The following FOXK2 variants were observed in gnomAD, a reference collection of about 807,000 sequenced individuals.
The protein encoded by FOXK2 is forkhead box protein K2.
A neutral mutation model predicts 53.3 loss-of-function variants in FOXK2; 24 were observed. That is an observed-to-expected ratio of 0.45 (90% CI 0.33 to 0.63). The LOEUF is 0.63. Ranked by LOEUF, FOXK2 falls within the 30% of genes least tolerant of loss-of-function variation. The pLI, the probability that FOXK2 is intolerant of heterozygous loss-of-function variation, is 0.03. For missense variants in FOXK2, 952 were observed against 910.5 expected, an observed-to-expected ratio of 1.05 and a Z score of -0.59; for synonymous variants, 505 against 407.1, an observed-to-expected ratio of 1.24 and a Z score of -2.89.
intron 8 of FOXK2, among the ~76,000 whole-genome samples, chr17:82,597,862 C>A (rs928647853): frequency 4.6e-5 from 7 of 152,188 alleles, no homozygotes; most frequent in Non-Finnish European, 1.0e-4. Context: ...GTTGGCCAGG[C>A]TGGTCTCAAA....
chr17:82,576,932 G>A (rs1178686085), intron 4 of FOXK2: 9 of 399,410 alleles, frequency 2.3e-5, no homozygotes, highest in South Asian at 2.2e-4. Context: ...GGCTGTGGCC[G>A]GCAGATCACC....
chr17:82,580,288 G>C (rs1354477413), intron 4 of FOXK2, among the ~76,000 whole-genome samples: 10 of 121,684 alleles, frequency 8.2e-5, no homozygotes, highest in African/African-American at 1.3e-4. Context: ...ACATGGCCCA[G>C]CCCTCCTCTC....
At chr17:82,551,078 G>A (rs907835722) in intron 1 of FOXK2, among the ~76,000 whole-genome samples, 1 of 152,104 alleles carries the variant, frequency 6.6e-6, no homozygotes, top group Non-Finnish European at 1.5e-5. Flanking sequence ...AGCACTTTGG[G>A]AGGCCGAGGC....
chr17:82,581,738 G>A (rs1028089415), intron 4 of FOXK2, among the ~76,000 whole-genome samples: 4 of 152,094 alleles, frequency 2.6e-5, no homozygotes, highest in Admixed American at 2.6e-4. Flanking sequence ...GCCTCCCAAA[G>A]TGCTGGGATT....
chr17:82,587,297 C>A lies in FOXK2; in HGVS notation c.1786+25C>A, dbSNP rs762866446. ...GGTAAGACATGCTGGTCGGTGGCTC[C>A]CCGTGGCTGTGGGTACTGGGAGCAG... On this transcript the variant is annotated intron_variant, in intron 8 of 8. Transcript: ENST00000335255. The A allele has an allele frequency of 1.9e-5, 30 of 1,588,724 alleles. No individual in the cohort carries two copies. In the East Asian group the frequency reaches 6.3e-4, roughly 34 times the overall value.
At position 82,563,516 on chromosome 17, in the gene FOXK2, C is replaced by T; in HGVS notation, c.582C>T (p.Ile194=). The change falls in exon 2 of 9, where the codon ATC becomes ATT. Residue 194 remains isoleucine (I), a synonymous_variant. Coordinates refer to ENST00000335255, the MANE Select transcript of FOXK2 (RefSeq NM_004514.4). ...INIPDTMAHL[I]SPLPSPTGTI... The stretch of plus-strand genomic sequence containing the variant: ...TTCCAGACACCATGGCCCACCTCAT[C>T]AGCCCTCTGCCCTCCCCCACGGGAA... 1.9e-6 allele frequency: 3 copies of T among 1,614,052 alleles called. No individual in the cohort carries two copies. The highest frequency in any genetic ancestry group is 1.1e-5 in the South Asian group (1 of 91,076).
chr17:82,545,580 C>CTT (rs201487331), intron 1 of FOXK2, among the ~76,000 whole-genome samples: 136 of 139,600 alleles, frequency 9.7e-4, no homozygotes, highest in East Asian at 6.2e-3. Context: ...TGTTGGAAGG[C>CTT]TTTTTTTTTT....
chr17:82,556,830 G>C (rs2044730716), intron 1 of FOXK2, among the ~76,000 whole-genome samples: 2 of 151,862 alleles, frequency 1.3e-5, no homozygotes, highest in South Asian at 4.1e-4. Context: ...AGCCTCCTGA[G>C]TAATTGGGAT....
chr17:82,544,990 G>A (rs190386571), intron 1 of FOXK2, among the ~76,000 whole-genome samples: 4 of 151,854 alleles, frequency 2.6e-5, no homozygotes, highest in Non-Finnish European at 5.9e-5. Flanking sequence ...AAGAATTGTC[G>A]ATCTGCCCCG....
intron 1 of FOXK2, among the ~76,000 whole-genome samples, chr17:82,542,166 CT>C (rs750005460): frequency 3.0e-3 from 346 of 115,542 alleles, no homozygotes; most frequent in African/African-American, 4.2e-3. Flanking sequence ...TTTCTTCTTT[CT>C]TTTTTTTTTT....
At chr17:82,598,181 TCTAG>T (rs1427719815) in intron 8 of FOXK2, among the ~76,000 whole-genome samples, 2 of 152,266 alleles carry the variant, frequency 1.3e-5, no homozygotes, top group African/African-American at 2.4e-5. Context: ...ATTCCTTCTG[TCTAG>T]CTGTCGTTTC....
intron 8 of FOXK2, chr17:82,596,030 G>A (rs765788717): frequency 7.0e-6 from 8 of 1,138,042 alleles, no homozygotes; most frequent in Non-Finnish European, 8.8e-6. Context: ...CTGCGCGTCT[G>A]TGCATCTCTG....
Position 82,577,271 on chromosome 17 carries a change from C to T in FOXK2, c.909+5401C>T, listed in dbSNP as rs1020338994. The T allele has an allele frequency of 1.1e-5, 14 of 1,291,856 alleles. No homozygotes were observed. The African/African-American group carries it at 1.6e-4, about 15-fold the overall frequency. 80.0% of individuals were successfully genotyped at this position (1,291,856 alleles called of 1,614,324 possible). On this transcript the variant is annotated intron_variant, in intron 4 of 8. Coordinates refer to ENST00000335255, the MANE Select transcript of FOXK2 (RefSeq NM_004514.4). ...CAGGTAGTACTTGTCCATGTAATTTCTCTGTAATAACTGGAACTCGTTATC... is the reference window on the plus strand; with the variant it reads ...CAGGTAGTACTTGTCCATGTAATTTTTCTGTAATAACTGGAACTCGTTATC...
At chr17:82,593,079 A>C (rs7219842) in intron 8 of FOXK2, among the ~76,000 whole-genome samples, 18,808 of 102,934 alleles carry the variant, frequency 0.18, 1,929 homozygotes, top group Middle Eastern at 0.26. Flanking sequence ...TGAAAGACCC[A>C]GTGAAGGTCT....
chr17:82,587,706 A>C, intron 8 of FOXK2: 1 of 270,606 alleles, frequency 3.7e-6, no homozygotes, highest in South Asian at 4.2e-5. Context: ...CGGTGCACAG[A>C]AAACCGCACG....
At chr17:82,560,853 C>G (rs1164483494) in intron 1 of FOXK2, among the ~76,000 whole-genome samples, 2 of 152,120 alleles carry the variant, frequency 1.3e-5, no homozygotes, top group African/African-American at 4.8e-5. Context: ...CCCAGCTACT[C>G]AGGAAGTTGA....
Position 82,571,777 on chromosome 17 carries a change from G to T in FOXK2, c.816G>T (p.Thr272=), listed in dbSNP as rs752595361. The part of the protein sequence containing the change: ...SYAQLIVQAI[T]MAPDKQLTLN... Reference sequence around the variant, plus strand: ...CGCAGCTGATAGTTCAGGCGATTACGATGGCTCCCGACAAACAGCTCACCC... The same window carrying T: ...CGCAGCTGATAGTTCAGGCGATTACTATGGCTCCCGACAAACAGCTCACCC... Residue 272 remains threonine, a synonymous_variant, in exon 4 of 9, where the codon ACG becomes ACT. Transcript: ENST00000335255. 6.2e-7 allele frequency: 1 copy of T among 1,602,508 alleles called. No homozygotes were observed.
At position 82,558,427 on chromosome 17, in the gene FOXK2, C is replaced by T. The variant is rs80129042; in HGVS notation, c.420-4927C>T. On this transcript the variant is annotated intron_variant, in intron 1 of 8. Transcript: ENST00000335255. ...CGGAGAGCACTCAGCCGGGTCTGGA[C>T]GAGGACGTTGTGCGTAACTCTACGG... is the stretch of plus-strand genomic sequence containing the variant. Among the ~76,000 whole-genome samples the T allele has an allele frequency of 8.1e-3, 1,228 of 152,286 alleles. 12 individuals are homozygous for T. The highest frequency in any genetic ancestry group is 0.023 in the South Asian group (109 of 4,810).
chr17:82,581,888 G>T (rs2045067106), intron 4 of FOXK2, among the ~76,000 whole-genome samples: 1 of 152,154 alleles, frequency 6.6e-6, no homozygotes. Flanking sequence ...TAGAAAGAAT[G>T]ATGCACTGAT....
Sources: gnomAD v4.1 joint callset for allele counts (sites outside exome capture counted in the v4.1 genomes callset) on GRCh38, gnomAD v4.1.1 for gene constraint, MANE v1.5 for transcripts, NCBI Gene and HGNC (gene_info 2026-07-23, HGNC 2026-07-21) for gene names.